The following VPS13A variants were observed in gnomAD, a reference collection of about 807,000 sequenced individuals.
The protein encoded by VPS13A is intermembrane lipid transfer protein VPS13A.
VPS13A carries 264 observed loss-of-function variants against 390.9 expected under a neutral mutation model. That is an observed-to-expected ratio of 0.68 (90% CI 0.61 to 0.75). The LOEUF is 0.75. Ranked by LOEUF, VPS13A falls within the 30% of genes least tolerant of loss-of-function variation. VPS13A has a pLI of 0.00. For synonymous variants in VPS13A, 1,231 were observed against 1,227.1 expected, an observed-to-expected ratio of 1.00 and a Z score of -0.07; for missense variants, 3,409 against 3,733.9, an observed-to-expected ratio of 0.91 and a Z score of 2.27.
At chr9:77,319,529 C>A (rs772950635) in intron 41 of VPS13A, 43 bp from the exon 42 acceptor site, 5 of 1,307,168 alleles carry the variant, frequency 3.8e-6, no homozygotes, top group Non-Finnish European at 5.5e-6. Context: ...TGGTGGGAAA[C>A]AGGATGGAAG....
intron 23 of VPS13A, among the ~76,000 whole-genome samples, chr9:77,265,785 C>T (rs1276315532): frequency 6.6e-6 from 1 of 152,054 alleles, no homozygotes; most frequent in Non-Finnish European, 1.5e-5. Flanking sequence ...TTTCGTGTCT[C>T]TATCTCCTTC....
chr9:77,403,140 A>C, intron 68 of VPS13A, 96 bp from the exon 69 acceptor site: 1 of 817,622 alleles, frequency 1.2e-6, no homozygotes, highest in Non-Finnish European at 2.1e-6. Context: ...GGTTTGCCCC[A>C]TTGAGAAATG....
chr9:77,246,284 A>G (rs969495360), intron 19 of VPS13A, among the ~76,000 whole-genome samples: 3 of 152,072 alleles, frequency 2.0e-5, no homozygotes, highest in Admixed American at 6.5e-5. Context: ...CAAGCTGATT[A>G]TGTGTTGGCA....
intron 1 of VPS13A, among the ~76,000 whole-genome samples, chr9:77,180,679 A>G (rs1218801200): frequency 2.0e-5 from 3 of 152,048 alleles, no homozygotes; most frequent in Admixed American, 6.5e-5. Flanking sequence ...ACCACTTGCT[A>G]AGAAAGAGGA....
At chr9:77,371,881 T>C in intron 67 of VPS13A, among the ~76,000 whole-genome samples, 1 of 135,314 alleles carries the variant, frequency 7.4e-6, no homozygotes, top group Admixed American at 7.8e-5. Context: ...AGTTCCCACC[T>C]ATGAGTGAGA....
Position 77,365,456 on chromosome 9 carries a change from A to G in VPS13A, c.8212-4A>G, listed in dbSNP as rs1353754111. ...AGTTTTAATATTTTGTGTTCCTTTTATAGGTTGAGCTTTTTCATAAAGATA... is the reference window on the plus strand; with the variant it reads ...AGTTTTAATATTTTGTGTTCCTTTTGTAGGTTGAGCTTTTTCATAAAGATA... On this transcript the variant is annotated splice_region_variant and splice_polypyrimidine_tract_variant and intron_variant, in intron 59 of 71. Coordinates refer to ENST00000360280, the MANE Select transcript of VPS13A (RefSeq NM_033305.3). 6.3e-7 allele frequency: 1 copy of G among 1,582,018 alleles called. No homozygotes were observed. Among genetic ancestry groups the G allele is most frequent in the Non-Finnish European group, 8.7e-7 (1 of 1,151,692 alleles).
At chr9:77,394,294 T>C (rs948072333) in intron 68 of VPS13A, among the ~76,000 whole-genome samples, 1 of 152,076 alleles carries the variant, frequency 6.6e-6, no homozygotes, top group African/African-American at 2.4e-5. Flanking sequence ...CTTGAACTCT[T>C]GTGCTCAAGC....
At chr9:77,401,513 A>G (rs905153361) in intron 68 of VPS13A, among the ~76,000 whole-genome samples, 3 of 152,162 alleles carry the variant, frequency 2.0e-5, no homozygotes, top group African/African-American at 4.8e-5. Flanking sequence ...TATTCTGCAC[A>G]GTATTTATTA....
intron 46 of VPS13A, among the ~76,000 whole-genome samples, chr9:77,336,892 G>T (rs920535413): frequency 4.7e-5 from 7 of 148,972 alleles, no homozygotes; most frequent in African/African-American, 1.7e-4. Context: ...TGCCTCCCGG[G>T]TTCTCTCCAT....
chr9:77,184,258 C>CT (rs1336744544), intron 1 of VPS13A, among the ~76,000 whole-genome samples: 3 of 152,294 alleles, frequency 2.0e-5, no homozygotes, highest in African/African-American at 7.2e-5. Context: ...AACAAATACT[C>CT]TAATTTTTTT....
chr9:77,226,017 A>T, intron 14 of VPS13A, 29 bp downstream of exon 14: 2 of 1,553,970 alleles, frequency 1.3e-6, no homozygotes, highest in Non-Finnish European at 8.9e-7. Flanking sequence ...ATTAGTAAAA[A>T]TAATTCTGAA....
chr9:77,324,603 G>A (rs1328080488), intron 45 of VPS13A, among the ~76,000 whole-genome samples: 2 of 152,068 alleles, frequency 1.3e-5, no homozygotes, highest in African/African-American at 4.8e-5. Context: ...TAATCATGAC[G>A]TCTTACTAAC....
chr9:77,297,028 T>C (rs989903667), intron 33 of VPS13A, among the ~76,000 whole-genome samples: 2 of 152,162 alleles, frequency 1.3e-5, no homozygotes, highest in African/African-American at 4.8e-5. Context: ...TTTGTACTGA[T>C]CAATCTGGTT....
At chr9:77,364,300 C>T (rs929475273) in intron 59 of VPS13A, among the ~76,000 whole-genome samples, 2 of 152,122 alleles carry the variant, frequency 1.3e-5, no homozygotes, top group East Asian at 1.9e-4. Context: ...TGGCAGGTGC[C>T]TGTAATCCCA....
chr9:77,224,531 A>G (rs62573187), intron 13 of VPS13A, among the ~76,000 whole-genome samples: 5,518 of 152,256 alleles, frequency 0.036, 127 homozygotes, highest in Non-Finnish European at 0.053. Flanking sequence ...TTCAGTGGAG[A>G]AAGTCACTGC....
chr9:77,385,776 G>T (rs915832746), intron 68 of VPS13A, among the ~76,000 whole-genome samples: 2 of 152,016 alleles, frequency 1.3e-5, no homozygotes, highest in Non-Finnish European at 2.9e-5. Context: ...AGCAACAGGT[G>T]ATTTAATTTA....
At chr9:77,199,913 A>G in intron 1 of VPS13A, 32 bp from the exon 2 acceptor site, 1 of 1,565,514 alleles carries the variant, frequency 6.4e-7, no homozygotes, top group Non-Finnish European at 8.7e-7. Flanking sequence ...AAAATATTTG[A>G]TTGTTTGAAT....
intron 60 of VPS13A, among the ~76,000 whole-genome samples, chr9:77,366,337 T>G (rs1406942410): frequency 6.6e-6 from 1 of 152,126 alleles, no homozygotes; most frequent in Non-Finnish European, 1.5e-5. Context: ...GTATTGCTTT[T>G]GCAGCATTGT....
In VPS13A at chr9:77,274,719, A is replaced by C. The variant is rs149736576; in HGVS notation, c.2513-779A>C. 3.3e-5 allele frequency among the ~76,000 whole-genome samples: 5 copies of C among 152,224 alleles called. No homozygotes were observed. The East Asian group carries it at 5.8e-4, about 18-fold the overall frequency. ...AAAGGTGTATGTCTATATTTTTAAG[A>C]CTTTAAAAATTGATAAATGTTAAAT... is the stretch of plus-strand genomic sequence containing the variant. On this transcript the variant is annotated intron_variant, in intron 24 of 71. Coordinates refer to ENST00000360280, the MANE Select transcript of VPS13A (RefSeq NM_033305.3).
Sources: allele counts gnomAD v4.1 joint callset (sites outside exome capture counted in the v4.1 genomes callset), GRCh38; gene constraint gnomAD v4.1.1; transcripts MANE v1.5; gene names NCBI Gene and HGNC (gene_info 2026-07-23, HGNC 2026-07-21).